The following ARHGAP5 variants were observed in gnomAD, a reference collection of about 807,000 sequenced individuals.
ARHGAP5 encodes Rho GTPase activating protein 5.
In ARHGAP5, 23 loss-of-function variants were observed where a neutral mutation model predicts 116.6. The observed-to-expected ratio is 0.20, with a 90% confidence interval of 0.14 to 0.28. The LOEUF is 0.28. ARHGAP5 is among the 10% of genes least tolerant of loss of function. The pLI is 1.00. For synonymous variants in ARHGAP5, 574 were observed against 602.0 expected (o/e 0.95, Z 0.68); for missense variants, 1,405 against 1,774.8 (o/e 0.79, Z 3.74).
intron 6 of ARHGAP5, 72 bp downstream of exon 6, chr14:32,152,600 A>C (rs1881693898): frequency 1.2e-6 from 1 of 814,428 alleles, no homozygotes; most frequent in African/African-American, 1.8e-5. Flanking sequence ...AATTTTATAA[A>C]TTGGATAATT....
intron 3 of ARHGAP5, among the ~76,000 whole-genome samples, chr14:32,130,780 C>T (rs1003143760): frequency 1.3e-5 from 2 of 152,290 alleles, no homozygotes; most frequent in Admixed American, 6.5e-5. Context: ...ATCCACCTGC[C>T]TCGGCCTCCC....
intron 3 of ARHGAP5, among the ~76,000 whole-genome samples, chr14:32,123,492 A>G (rs893247864): frequency 1.3e-5 from 2 of 151,898 alleles, no homozygotes; most frequent in African/African-American, 4.8e-5. Context: ...TATAATAGCC[A>G]TTTTAAGATT....
chr14:32,152,549 T>A (rs1163890293), intron 6 of ARHGAP5, 21 bp downstream of exon 6: 1 of 1,407,216 alleles, frequency 7.1e-7, no homozygotes, highest in Non-Finnish European at 9.7e-7. Flanking sequence ...TTTTTTAGGG[T>A]TTTTTGGCAA....
chr14:32,080,307 CTT>C (rs1183096415), intron 1 of ARHGAP5, among the ~76,000 whole-genome samples: 2 of 149,958 alleles, frequency 1.3e-5, no homozygotes, highest in African/African-American at 4.9e-5. Flanking sequence ...GAATATTTAA[CTT>C]AATTAAATAT....
intron 1 of ARHGAP5, among the ~76,000 whole-genome samples, chr14:32,081,664 A>G (rs367977296): frequency 6.6e-6 from 1 of 152,166 alleles, no homozygotes; most frequent in Admixed American, 6.5e-5. Context: ...TGATGTAGAA[A>G]TAAACACGTA....
At chr14:32,135,330 C>A (rs1327360857) in intron 3 of ARHGAP5, among the ~76,000 whole-genome samples, 1 of 152,206 alleles carries the variant, frequency 6.6e-6, no homozygotes, top group Non-Finnish European at 1.5e-5. Context: ...TCTATTGGGC[C>A]AGAACCAGGA....
chr14:32,148,214 G>A (rs111637345), intron 4 of ARHGAP5, among the ~76,000 whole-genome samples: 1 of 110,512 alleles, frequency 9.0e-6, no homozygotes, highest in South Asian at 3.0e-4. Flanking sequence ...ATCTATCTAT[G>A]TATATCTATC....
At chr14:32,121,547 G>T (rs1432041754) in intron 3 of ARHGAP5, among the ~76,000 whole-genome samples, 1 of 152,032 alleles carries the variant, frequency 6.6e-6, no homozygotes, top group Non-Finnish European at 1.5e-5. Context: ...TAAACAGATT[G>T]TTGTCCTTGT....
In ARHGAP5 at chr14:32,117,205, G is replaced by C. The variant is rs1257818764; in HGVS notation, c.3783G>C (p.Gly1261=). 1.2e-6 allele frequency: 2 copies of C among 1,612,280 alleles called. No homozygotes were observed. Among genetic ancestry groups the C allele is most frequent in the Non-Finnish European group, 1.7e-6 (2 of 1,178,984 alleles). ...GAAATTGGGAAAGTAATTACTTTGG[G>C]ATGCCCCTCCAGGATCTGGTTACAG... is the stretch of plus-strand genomic sequence containing the variant. ...TRRNWESNYF[G]MPLQDLVTAE... Residue 1261 remains glycine (G), a synonymous_variant, in exon 3 of 7, where the codon GGG becomes GGC. Transcript: ENST00000345122.
At chr14:32,117,069 A>G (rs1470044210) in intron 2 of ARHGAP5, 71 bp from the exon 3 acceptor site, 4 of 1,258,440 alleles carry the variant, frequency 3.2e-6, no homozygotes, top group Non-Finnish European at 3.2e-6. Context: ...CGAACCGTGT[A>G]TTTACATTGC....
intron 2 of ARHGAP5, among the ~76,000 whole-genome samples, chr14:32,099,098 G>A (rs1457009024): frequency 6.6e-6 from 1 of 152,148 alleles, no homozygotes; most frequent in African/African-American, 2.4e-5. Context: ...AAACGCATAG[G>A]ATGTGTTGCA....
intron 3 of ARHGAP5, among the ~76,000 whole-genome samples, chr14:32,143,825 G>T (rs536492486): frequency 5.9e-5 from 9 of 152,298 alleles, no homozygotes; most frequent in Admixed American, 5.2e-4. Context: ...TGTGGAAGGG[G>T]TTTCCCAACC....
chr14:32,115,663 C>CAAA (rs60051497), intron 2 of ARHGAP5, among the ~76,000 whole-genome samples: 43 of 39,928 alleles, frequency 1.1e-3, no homozygotes, highest in African/African-American at 2.7e-3. Context: ...GACTCCGTCT[C>CAAA]AAAAAAAAAA....
intron 3 of ARHGAP5, among the ~76,000 whole-genome samples, chr14:32,126,471 A>C (rs1880160379): frequency 6.6e-6 from 1 of 152,152 alleles, no homozygotes; most frequent in South Asian, 2.1e-4. Context: ...TTTCATAAGG[A>C]CATCAGTCAT....
chr14:32,109,140 A>T (rs1356417907), intron 2 of ARHGAP5, among the ~76,000 whole-genome samples: 1 of 152,098 alleles, frequency 6.6e-6, no homozygotes, highest in Non-Finnish European at 1.5e-5. Context: ...AACTCTTTGG[A>T]GTCCTTTGTT....
At chr14:32,082,553 AT>A (rs536028853) in intron 1 of ARHGAP5, among the ~76,000 whole-genome samples, 113 of 149,906 alleles carry the variant, frequency 7.5e-4, no homozygotes, top group African/African-American at 2.5e-3. Flanking sequence ...TAATTAATTA[AT>A]TTTTTTTTTG....
At chr14:32,106,256 G>A (rs1363245482) in intron 2 of ARHGAP5, among the ~76,000 whole-genome samples, 1 of 152,106 alleles carries the variant, frequency 6.6e-6, no homozygotes, top group Non-Finnish European at 1.5e-5. Context: ...GAGTATCTGG[G>A]ATTACAGATG....
chr14:32,088,296 C>G lies in ARHGAP5; in HGVS notation c.-168-2206C>G, dbSNP rs140826927. On this transcript the variant is annotated intron_variant, in intron 1 of 6. Coordinates refer to ENST00000345122, the MANE Select transcript of ARHGAP5 (RefSeq NM_001030055.2). ...GTTTTTACTGTACTGTAAAAATTCC[C>G]CGAAGTAATCACCAGATAAGTCTTC... Among the ~76,000 whole-genome samples, 1,173 of 151,832 alleles carry G rather than the reference C, an allele frequency of 7.7e-3. 5 individuals are homozygous for G. Among genetic ancestry groups the G allele is most frequent in the Non-Finnish European group, 0.013 (880 of 67,750 alleles).
chr14:32,091,854 T>G lies in ARHGAP5; in HGVS notation c.1185T>G (p.Ile395Met), dbSNP rs1296576822. ...ATGAAACTGACCATATAGACAAAAT[T>G]AATGATAGGCGGATTCCATTTGACC... ...PWDETDHIDK[I>M]NDRRIPFDLL... Residue 395 changes from isoleucine to methionine, a missense_variant, in exon 2 of 7, where the codon ATT (isoleucine) becomes ATG (methionine). By Grantham distance (10) the Ile-to-Met change is conservative (BLOSUM62 1). This residue lies in a region of ARHGAP5 where 944 missense variants were observed against 1,095.3 expected (regional missense o/e 0.86). Coordinates refer to ENST00000345122, the MANE Select transcript of ARHGAP5 (RefSeq NM_001030055.2). The G allele has an allele frequency of 4.0e-5, 65 of 1,613,306 alleles. No individual in the cohort carries two copies. The highest frequency in any genetic ancestry group is 5.5e-5 in the Non-Finnish European group (65 of 1,179,632).
Sources: allele counts gnomAD v4.1 joint callset (sites outside exome capture counted in the v4.1 genomes callset), GRCh38; gene constraint gnomAD v4.1.1; regional missense constraint gnomAD v4.1.1; transcripts MANE v1.5; gene names NCBI Gene and HGNC (gene_info 2026-07-23, HGNC 2026-07-21).